The following NUB1 variants were observed in gnomAD, a reference collection of about 807,000 sequenced individuals.
NUB1 encodes negative regulator of ubiquitin like proteins 1.
In NUB1, 41 loss-of-function variants were observed where a neutral mutation model predicts 77.1. The ratio of observed to expected loss-of-function variants is 0.53; its 90% CI spans 0.41 to 0.69. The LOEUF is 0.69. Among genes scored for constraint, NUB1 ranks in the 30% least tolerant of loss-of-function variants. NUB1 has a pLI of 0.00. For missense variants in NUB1, 643 were observed against 743.8 expected (o/e 0.86, Z 1.58); for synonymous variants, 257 against 281.0 (o/e 0.91, Z 0.85).
In NUB1 at chr7:151,349,100, C is replaced by T. The variant is rs1368097540; in HGVS notation, c.145C>T (p.Leu49=). 1 of 1,612,570 alleles carries T rather than the reference C, an allele frequency of 6.2e-7. No homozygotes were observed. Among genetic ancestry groups the T allele is most frequent in the Non-Finnish European group, 8.5e-7 (1 of 1,179,636 alleles). Residue 49 remains leucine (L), a synonymous_variant, in exon 3 of 15, where the codon CTA becomes TTA. Transcript: ENST00000568733. ...KDLAKQYSDR[L]ECCENEVEKV... is the part of the protein sequence containing the mutation. ...CCTTGCTAAGCAGTACTCTGACAGA[C>T]TAGAATGCTGTGAAAATGAAGTAGA...
intron 2 of NUB1, among the ~76,000 whole-genome samples, chr7:151,346,595 C>A (rs562710220): frequency 3.5e-4 from 53 of 152,326 alleles, no homozygotes; most frequent in African/African-American, 1.2e-3. Flanking sequence ...CATAATGAAA[C>A]TTCCATACAA....
In NUB1 at chr7:151,355,879, A is replaced by C. The variant is rs1797040341; in HGVS notation, c.527A>C (p.Gln176Pro). 1.2e-6 allele frequency: 2 copies of C among 1,613,734 alleles called. No homozygotes were observed. The highest frequency in any genetic ancestry group is 1.7e-6 in the Non-Finnish European group (2 of 1,179,834). Residue 176 changes from glutamine (Q) to proline (P), a missense_variant, in exon 6 of 15, where the codon CAA becomes CCA. By Grantham distance (76) the Gln-to-Pro change is moderately conservative. Transcript: ENST00000568733. ...RKNFQLEEEE[Q>P]NEAKLKEKQI... Reference sequence around the variant, plus strand: ...AACTTCCAGTTAGAGGAAGAGGAGCAAAATGAGGCCAAACTCAAAGAAAAA... The same window carrying C: ...AACTTCCAGTTAGAGGAAGAGGAGCCAAATGAGGCCAAACTCAAAGAAAAA...
chr7:151,374,044 G>C, intron 11 of NUB1, 53 bp from the exon 12 acceptor site: 4 of 1,502,808 alleles, frequency 2.7e-6, no homozygotes, highest in Non-Finnish European at 1.8e-6. Flanking sequence ...AGACTGAGAG[G>C]CTGTGAAATC....
At chr7:151,343,066 G>C (rs1796287809) in intron 1 of NUB1, among the ~76,000 whole-genome samples, 1 of 152,254 alleles carries the variant, frequency 6.6e-6, no homozygotes. Flanking sequence ...TGGGGAGACA[G>C]TAGGGTTGCT....
intron 2 of NUB1, among the ~76,000 whole-genome samples, chr7:151,348,569 C>CTT (rs59781719): frequency 0.041 from 2,887 of 69,744 alleles, 417 homozygotes; most frequent in African/African-American, 0.065. Flanking sequence ...TTGCTTTTTG[C>CTT]TTTTTTTTTT....
chr7:151,355,071 G>T (rs1174099309), intron 5 of NUB1, among the ~76,000 whole-genome samples: 4 of 152,196 alleles, frequency 2.6e-5, no homozygotes, highest in Non-Finnish European at 5.9e-5. Context: ...GTGACAGACT[G>T]CAGTACAGCT....
At chr7:151,369,010 T>A in intron 11 of NUB1, 123 bp downstream of exon 11, 1 of 1,130,912 alleles carries the variant, frequency 8.8e-7, no homozygotes, top group Non-Finnish European at 1.2e-6. Flanking sequence ...GAGAAACTTG[T>A]CCTTTTTTTT....
At chr7:151,346,437 C>T (rs1358506676) in intron 2 of NUB1, among the ~76,000 whole-genome samples, 5 of 152,164 alleles carry the variant, frequency 3.3e-5, no homozygotes, top group Non-Finnish European at 5.9e-5. Context: ...GGCTTGGTTG[C>T]CCCTAGATAG....
At chr7:151,352,536 C>T (rs767845855) in intron 4 of NUB1, among the ~76,000 whole-genome samples, 3 of 152,250 alleles carry the variant, frequency 2.0e-5, no homozygotes, top group East Asian at 3.9e-4. Context: ...CTCAAACTCG[C>T]GGTTCAAGCA....
rs1409016226 is a variant in NUB1, at chr7:151,377,426, C to A, written c.*201C>A. Reference sequence around the variant, plus strand: ...GGGGAAGAAGCTTCCTCTGGCCTGGCGCAGGCCGTTCCATCTGCCTCCCAG... The same window carrying A: ...GGGGAAGAAGCTTCCTCTGGCCTGGAGCAGGCCGTTCCATCTGCCTCCCAG... On this transcript the variant is annotated 3_prime_UTR_variant, in exon 15 of 15. Coordinates refer to ENST00000568733, the MANE Select transcript of NUB1 (RefSeq NM_001243351.2). The A allele has an allele frequency of 4.6e-6, 2 of 435,798 alleles. No homozygotes were observed. Among genetic ancestry groups the A allele is most frequent in the Non-Finnish European group, 8.1e-6 (2 of 246,060 alleles). The allele number at this position is 435,798 out of a possible 1,614,324, so 27.0% of individuals were successfully genotyped here.
chr7:151,350,754 G>A (rs1427922505), intron 3 of NUB1, among the ~76,000 whole-genome samples: 2 of 151,980 alleles, frequency 1.3e-5, no homozygotes, highest in South Asian at 2.1e-4. Context: ...TTGGCACCTG[G>A]GTGGCTTGCC....
intron 5 of NUB1, 125 bp from the exon 6 acceptor site, chr7:151,355,643 A>T: frequency 1.0e-6 from 1 of 967,136 alleles, no homozygotes; most frequent in Non-Finnish European, 1.5e-6. Flanking sequence ...ACTGCACTCC[A>T]GCCTGGGTGA....
At chr7:151,343,413 G>A (rs371196896) in intron 1 of NUB1, among the ~76,000 whole-genome samples, 1 of 152,182 alleles carries the variant, frequency 6.6e-6, no homozygotes, top group Non-Finnish European at 1.5e-5. Flanking sequence ...AGATTTCAAA[G>A]TTGTGTGAAT....
Position 151,377,280 on chromosome 7 carries a change from A to C in NUB1, c.*55A>C, listed in dbSNP as rs2150730396. 1 of 1,176,004 alleles carries C rather than the reference A, an allele frequency of 8.5e-7. No homozygotes were observed. Among genetic ancestry groups the C allele is most frequent in the East Asian group, 2.8e-5 (1 of 36,202 alleles). 72.8% of individuals were successfully genotyped at this position (1,176,004 alleles called of 1,614,324 possible). A position where few individuals can be genotyped will look rare whatever the true frequency, so the allele number is the denominator to read the frequency against. On this transcript the variant is annotated 3_prime_UTR_variant, in exon 15 of 15. Coordinates refer to ENST00000568733, the MANE Select transcript of NUB1 (RefSeq NM_001243351.2). The stretch of plus-strand genomic sequence containing the variant: ...GCTTATAAATGCTATCATTATGAAA[A>C]GGCTAATGCAGCTCTTTCTGTTCTT...
intron 11 of NUB1, among the ~76,000 whole-genome samples, chr7:151,373,692 C>A (rs1011554142): frequency 4.6e-5 from 7 of 152,212 alleles, no homozygotes; most frequent in Non-Finnish European, 7.3e-5. Flanking sequence ...GGCTGGAAGG[C>A]CTTCCCACCG....
intron 2 of NUB1, among the ~76,000 whole-genome samples, chr7:151,346,026 C>A (rs1024883383): frequency 4.6e-5 from 7 of 152,200 alleles, no homozygotes; most frequent in African/African-American, 1.7e-4. Context: ...AGAAACAGTA[C>A]TCATTTTTGC....
chr7:151,355,674 A>G, intron 5 of NUB1, 94 bp from the exon 6 acceptor site: 1 of 1,284,312 alleles, frequency 7.8e-7, no homozygotes. Flanking sequence ...CCTTGTCTCA[A>G]AAATAAAAAC....
intron 3 of NUB1, among the ~76,000 whole-genome samples, chr7:151,350,700 TTTC>T (rs1321498546): frequency 6.6e-6 from 1 of 152,240 alleles, no homozygotes; most frequent in Admixed American, 6.5e-5. Flanking sequence ...TTCTATATAT[TTTC>T]TTTATTATAC....
intron 1 of NUB1, among the ~76,000 whole-genome samples, chr7:151,344,655 C>CT (rs1796395544): frequency 6.6e-6 from 1 of 151,696 alleles, no homozygotes; most frequent in African/African-American, 2.4e-5. Context: ...TTCAAGCAAG[C>CT]TTTTCTTTAT....
Sources: gnomAD v4.1 joint callset for allele counts (sites outside exome capture counted in the v4.1 genomes callset) on GRCh38, gnomAD v4.1.1 for gene constraint, MANE v1.5 for transcripts, NCBI Gene and HGNC (gene_info 2026-07-23, HGNC 2026-07-21) for gene names.